The following CNTN1 variants were observed in gnomAD, a reference collection of about 807,000 sequenced individuals.
CNTN1 encodes contactin-1.
CNTN1 carries 38 observed loss-of-function variants against 126.4 expected under a neutral mutation model. The observed-to-expected ratio is 0.30, with a 90% CI of 0.23 to 0.39. The LOEUF (loss-of-function observed/expected upper bound fraction) is 0.39, where lower values mean the gene tolerates loss of function less well. CNTN1 is among the 10% of genes least tolerant of loss of function. CNTN1 has a pLI of 1.00. For synonymous variants in CNTN1, 413 were observed against 422.6 expected (o/e 0.98, Z 0.28); for missense variants, 1,009 against 1,248.4 (o/e 0.81, Z 2.89).
chr12:40,937,107 TTCTC>T (rs753079299), intron 10 of CNTN1, among the ~76,000 whole-genome samples: 3 of 151,572 alleles, frequency 2.0e-5, no homozygotes, highest in Non-Finnish European at 2.9e-5. Context: ...TTACTCTACC[TTCTC>T]TCTCTCTCTC....
intron 1 of CNTN1, among the ~76,000 whole-genome samples, chr12:40,715,837 A>C (rs1942033819): frequency 6.6e-6 from 1 of 152,156 alleles, no homozygotes; most frequent in South Asian, 2.1e-4. Context: ...CTCACAACCT[A>C]GTTGAATGTT....
At chr12:40,859,672 G>T (rs967981027) in intron 1 of CNTN1, among the ~76,000 whole-genome samples, 3 of 152,042 alleles carry the variant, frequency 2.0e-5, no homozygotes, top group African/African-American at 7.2e-5. Context: ...GAATCAACAG[G>T]AGCATTATGC....
At chr12:40,904,555 A>G (rs1212643869) in intron 1 of CNTN1, among the ~76,000 whole-genome samples, 4 of 151,772 alleles carry the variant, frequency 2.6e-5, no homozygotes, top group Non-Finnish European at 5.9e-5. Context: ...CAGCCTCCCA[A>G]GTAGCTGGGA....
intron 23 of CNTN1, among the ~76,000 whole-genome samples, chr12:41,034,117 G>A (rs1566184733): frequency 6.6e-6 from 1 of 152,164 alleles, no homozygotes; most frequent in Non-Finnish European, 1.5e-5. Flanking sequence ...AGTGGTGGAT[G>A]TCTAGGGTAG....
At position 41,016,918 on chromosome 12, in the gene CNTN1, T is replaced by C. The variant is rs1268185899; in HGVS notation, c.2419+2T>C. On this transcript the variant is annotated splice_donor_variant, in intron 19 of 23. Transcript: ENST00000551295. LOFTEE classifies it high-confidence loss of function. ...CAGTCATTAATTCAGCACAAGACGG[T>C]AGGTGAAAGAAAGACCTTCTTACCT... is the stretch of plus-strand genomic sequence containing the variant. 6.2e-7 allele frequency: 1 copy of C among 1,611,426 alleles called. No homozygotes were observed. The highest frequency in any genetic ancestry group is 8.5e-7 in the Non-Finnish European group (1 of 1,177,524).
At chr12:41,007,339 C>G (rs1173210240) in intron 17 of CNTN1, among the ~76,000 whole-genome samples, 1 of 151,994 alleles carries the variant, frequency 6.6e-6, no homozygotes, top group Non-Finnish European at 1.5e-5. Context: ...GGATTACAGG[C>G]GTGAGCCACC....
At chr12:40,721,631 A>G (rs1037720164) in intron 1 of CNTN1, among the ~76,000 whole-genome samples, 8 of 149,202 alleles carry the variant, frequency 5.4e-5, no homozygotes, top group African/African-American at 2.0e-4. Context: ...TACATGTGCC[A>G]TGCTGGTGTG....
intron 1 of CNTN1, among the ~76,000 whole-genome samples, chr12:40,758,868 A>T (rs1938717434): frequency 6.8e-6 from 1 of 146,146 alleles, no homozygotes; most frequent in Non-Finnish European, 1.5e-5. Flanking sequence ...CAGACAATAG[A>T]GAGAGGATTC....
chr12:41,058,991 T>C (rs2067735), intron 23 of CNTN1, among the ~76,000 whole-genome samples: 31,016 of 152,050 alleles, frequency 0.2, 3,736 homozygotes, highest in Middle Eastern at 0.29. Flanking sequence ...AAGAACTTCA[T>C]GTGCATATAG....
At chr12:40,986,290 A>G (rs1947952458) in intron 16 of CNTN1, among the ~76,000 whole-genome samples, 1 of 152,178 alleles carries the variant, frequency 6.6e-6, no homozygotes, top group African/African-American at 2.4e-5. Context: ...TTTTTGCTCA[A>G]TTCCAAACAT....
chr12:41,037,703 T>C (rs544314000), intron 23 of CNTN1, among the ~76,000 whole-genome samples: 53 of 140,066 alleles, frequency 3.8e-4, no homozygotes, highest in African/African-American at 8.1e-4. Flanking sequence ...CACACACACA[T>C]ATTTATATAT....
intron 1 of CNTN1, among the ~76,000 whole-genome samples, chr12:40,856,715 T>C (rs34519483): frequency 0.033 from 5,095 of 152,236 alleles, 116 homozygotes; most frequent in Middle Eastern, 0.12. Context: ...AAGGAAGATT[T>C]GCCAAAGTAT....
rs1207142522 is a variant in CNTN1 at position 40,947,780 on chromosome 12, TATAC to T, written c.1683+3612_1683+3615del. Among the ~76,000 whole-genome samples the T allele has an allele frequency of 1.0e-2, 672 of 67,530 alleles. 2 individuals are homozygous for T. Among genetic ancestry groups the T allele is most frequent in the East Asian group, 0.019 (55 of 2,928 alleles). 44.3% of individuals were successfully genotyped at this position (67,530 alleles called of 152,430 possible). Reference sequence around the variant, plus strand: ...TCACTATTTCATATATATATATATATATACACACACACACACACACACACACACA... The same window carrying T: ...TCACTATTTCATATATATATATATATACACACACACACACACACACACACA... On this transcript the variant is annotated intron_variant, in intron 14 of 23. Coordinates refer to ENST00000551295, the MANE Select transcript of CNTN1 (RefSeq NM_001843.4).
intron 23 of CNTN1, among the ~76,000 whole-genome samples, chr12:41,043,174 C>T (rs1219373578): frequency 2.7e-5 from 4 of 149,542 alleles, no homozygotes; most frequent in East Asian, 2.0e-4. Flanking sequence ...CTAAAGAGCT[C>T]CTGCACAGCA....
chr12:40,975,220 A>G (rs1947642011), intron 15 of CNTN1, among the ~76,000 whole-genome samples: 1 of 122,210 alleles, frequency 8.2e-6, no homozygotes, highest in African/African-American at 3.0e-5. Context: ...ATATATATAT[A>G]TATGTTTTAG....
chr12:40,868,930 G>C (rs891198106), intron 1 of CNTN1, among the ~76,000 whole-genome samples: 2 of 151,930 alleles, frequency 1.3e-5, no homozygotes, highest in African/African-American at 4.8e-5. Flanking sequence ...AGTTTTGCTT[G>C]AGTTACGGAC....
At chr12:41,031,879 A>T (rs1468219632) in intron 23 of CNTN1, among the ~76,000 whole-genome samples, 3 of 152,192 alleles carry the variant, frequency 2.0e-5, no homozygotes, top group Non-Finnish European at 4.4e-5. Flanking sequence ...AAATTATTTT[A>T]ATGAGGCAAA....
At chr12:40,906,553 A>G (rs914643926) in intron 1 of CNTN1, among the ~76,000 whole-genome samples, 1 of 152,084 alleles carries the variant, frequency 6.6e-6, no homozygotes, top group Non-Finnish European at 1.5e-5. Flanking sequence ...TCTCTGACAT[A>G]ATAGTATGGT....
intron 1 of CNTN1, among the ~76,000 whole-genome samples, chr12:40,755,184 C>A (rs1289459763): frequency 1.2e-5 from 1 of 85,380 alleles, no homozygotes; most frequent in Admixed American, 2.0e-4. Context: ...GAGTGAGACC[C>A]CACCTCAAAA....
Sources: allele counts gnomAD v4.1 joint callset (sites outside exome capture counted in the v4.1 genomes callset), GRCh38; gene constraint gnomAD v4.1.1; transcripts MANE v1.5; gene names NCBI Gene and HGNC (gene_info 2026-07-23, HGNC 2026-07-21).